Variants in CRYM observed in about 807,000 individuals in gnomAD.
CRYM encodes crystallin mu, also known as ketimine reductase mu-crystallin.
A neutral mutation model predicts 32.9 loss-of-function variants in CRYM; 18 were observed. That is an observed-to-expected ratio of 0.55 (90% CI 0.38 to 0.81). The LOEUF is 0.81. Among genes scored for constraint, CRYM ranks in the 30% least tolerant of loss-of-function variants. The pLI is 0.00. For missense variants in CRYM, 337 were observed against 393.5 expected (o/e 0.86, Z 1.21); for synonymous variants, 153 against 152.4 (o/e 1.00, Z -0.03).
chr16:21,280,651 G>T (rs1052675572), upstream of CRYM, among the ~76,000 whole-genome samples: 1 of 152,154 alleles, frequency 6.6e-6, no homozygotes, highest in African/African-American at 2.4e-5. Flanking sequence ...AGGATCTAAG[G>T]CCATGCCAGG....
At chr16:21,266,247 C>A (rs2093363482) in intron 5 of CRYM, among the ~76,000 whole-genome samples, 1 of 151,778 alleles carries the variant, frequency 6.6e-6, no homozygotes, top group South Asian at 2.1e-4. Flanking sequence ...AACAAACAAA[C>A]AAAAACTTGT....
At chr16:21,265,416 A>T (rs996300415) in intron 5 of CRYM, among the ~76,000 whole-genome samples, 1 of 152,178 alleles carries the variant, frequency 6.6e-6, no homozygotes, top group African/African-American at 2.4e-5. Context: ...AGCTTCTCAG[A>T]TAACCCTATT....
At position 21,262,515 on chromosome 16, in the gene CRYM, A is replaced by G. The variant is rs368867494; in HGVS notation, c.674-357T>C. On this transcript the variant is annotated intron_variant, in intron 5 of 7. Transcript: ENST00000572914. The stretch of plus-strand genomic sequence containing the variant: ...ACACCTGTAGTCTTTGCTACTCTGG[A>G]GGCTGAGGCATGAGAATTGCTTAAA... 2.3e-3 allele frequency among the ~76,000 whole-genome samples: 347 copies of G among 152,186 alleles called. 16 individuals carry two copies. The South Asian group carries it at 0.067, about 29-fold the overall frequency.
intron 1 of CRYM, among the ~76,000 whole-genome samples, chr16:21,294,719 C>T (rs937359996): frequency 2.9e-4 from 41 of 140,004 alleles, no homozygotes; most frequent in African/African-American, 1.0e-3. Flanking sequence ...TTTTTTGAGA[C>T]AGTCTTGCTC....
At chr16:21,285,657 A>G (rs2093406094) in intron 1 of CRYM, among the ~76,000 whole-genome samples, 1 of 152,254 alleles carries the variant, frequency 6.6e-6, no homozygotes, top group Non-Finnish European at 1.5e-5. Context: ...ATGTCCTGTT[A>G]TAAAATAAAA....
At chr16:21,263,158 C>T (rs2152861428) in intron 5 of CRYM, among the ~76,000 whole-genome samples, 1 of 152,200 alleles carries the variant, frequency 6.6e-6, no homozygotes, top group East Asian at 1.9e-4. Flanking sequence ...TCCTAACACT[C>T]TGGAAGGCTG....
chr16:21,293,958 A>C (rs1381002941), intron 1 of CRYM, among the ~76,000 whole-genome samples: 2 of 152,228 alleles, frequency 1.3e-5, no homozygotes, highest in African/African-American at 4.8e-5. Flanking sequence ...AACTAACCAC[A>C]AAGCAGAGGG....
intron 3 of CRYM, among the ~76,000 whole-genome samples, chr16:21,270,875 G>A (rs2093373964): frequency 6.6e-6 from 1 of 152,176 alleles, no homozygotes; most frequent in Non-Finnish European, 1.5e-5. Flanking sequence ...TTTGAGAGCA[G>A]GATTCTGTGA....
At chr16:21,294,291 C>T (rs1002079797) in intron 1 of CRYM, among the ~76,000 whole-genome samples, 1 of 152,116 alleles carries the variant, frequency 6.6e-6, no homozygotes, top group African/African-American at 2.4e-5. Context: ...GGACCGTTTT[C>T]CCTGGCTCTG....
chr16:21,267,608 C>T lies in CRYM; in HGVS notation c.619G>A (p.Ala207Thr). The change falls in exon 5 of 8, where the codon GCA becomes ACA. Residue 207 changes from alanine to threonine, a missense_variant. Ala to Thr is a moderately conservative substitution (Grantham distance 58, BLOSUM62 0). Transcript: ENST00000572914. ...TCACCAAACAAAATGGGCTCTGTTG[C>T]CAGGGTGACTGTGATGATCACATCT... ...GADVIITVTL[A>T]TEPILFGEWV... is the part of the protein sequence containing the mutation. The T allele has an allele frequency of 6.2e-7, 1 of 1,614,154 alleles. No individual in the cohort carries two copies. Among genetic ancestry groups the T allele is most frequent in the African/African-American group, 1.3e-5 (1 of 75,042 alleles).
At chr16:21,267,014 GA>G (rs934937751) in intron 5 of CRYM, among the ~76,000 whole-genome samples, 2 of 151,384 alleles carry the variant, frequency 1.3e-5, no homozygotes, top group African/African-American at 4.8e-5. Context: ...CCCAAAAAAA[GA>G]AAAAAAACTT....
chr16:21,286,395 T>G (rs8045363), intron 1 of CRYM, among the ~76,000 whole-genome samples: 39,394 of 150,770 alleles, frequency 0.26, 5,411 homozygotes, highest in African/African-American at 0.34. Flanking sequence ...TTTTTTTTTT[T>G]TTTTTTTGTA....
intron 1 of CRYM, among the ~76,000 whole-genome samples, chr16:21,302,402 A>G (rs1183424845): frequency 6.6e-6 from 1 of 152,226 alleles, no homozygotes; most frequent in African/African-American, 2.4e-5. Context: ...AAGTTCAGTG[A>G]TTATAGGTAG....
At chr16:21,278,375 G>A, upstream of CRYM, 1 of 1,307,622 alleles carries the variant, frequency 7.6e-7, no homozygotes. Flanking sequence ...AGCCTCCGGG[G>A]GCGGAGCAAC....
intron 1 of CRYM, among the ~76,000 whole-genome samples, chr16:21,285,025 T>G (rs1567238374): frequency 3.3e-5 from 5 of 152,200 alleles, no homozygotes; most frequent in Admixed American, 2.6e-4. Context: ...TGATGACTGG[T>G]GATATTGAGC....
chr16:21,288,785 T>C (rs1018230165), intron 1 of CRYM, among the ~76,000 whole-genome samples: 3 of 152,170 alleles, frequency 2.0e-5, no homozygotes, highest in African/African-American at 7.2e-5. Flanking sequence ...TGGTATACCA[T>C]ATTTTTGTTT....
chr16:21,291,048 G>A lies in CRYM; in HGVS notation c.-193+11930C>T, dbSNP rs185184605. The stretch of plus-strand genomic sequence containing the variant: ...GGGTAGTATACTTTATGCTAAAAAC[G>A]GAGGGTTTGTGAGAATAATGTTACA... On this transcript the variant is annotated intron_variant, in intron 1 of 9. Coordinates refer to the CRYM transcript ENST00000219599. Among the ~76,000 whole-genome samples the A allele has an allele frequency of 4.6e-5, 7 of 152,248 alleles. No individual in the cohort carries two copies. The East Asian group carries it at 1.3e-3, about 29-fold the overall frequency.
At chr16:21,259,197 C>G (rs560821618) in intron 7 of CRYM, among the ~76,000 whole-genome samples, 11 of 151,742 alleles carry the variant, frequency 7.2e-5, no homozygotes, top group African/African-American at 2.7e-4. Flanking sequence ...CTCCCAGGAT[C>G]AAGTGATTCT....
At chr16:21,281,316 A>G (rs796433846), upstream of CRYM, among the ~76,000 whole-genome samples, 3 of 151,642 alleles carry the variant, frequency 2.0e-5, no homozygotes, top group African/African-American at 7.3e-5. Flanking sequence ...GTGCAGTGGC[A>G]TGATCTCAAG....
Sources: allele counts gnomAD v4.1 joint callset (sites outside exome capture counted in the v4.1 genomes callset), GRCh38; gene constraint gnomAD v4.1.1; transcripts MANE v1.5; gene names NCBI Gene and HGNC (gene_info 2026-07-23, HGNC 2026-07-21).